SYT1: variants seen among roughly 807,000 people sequenced by gnomAD.
The protein encoded by SYT1 is synaptotagmin 1.
SYT1 carries 8 observed loss-of-function variants against 44.8 expected under a neutral mutation model. The ratio of observed to expected loss-of-function variants is 0.18; its 90% CI spans 0.10 to 0.32. The LOEUF is 0.32. Among genes scored for constraint, SYT1 ranks in the 10% least tolerant of loss-of-function variants. The pLI, the probability that SYT1 is intolerant of heterozygous loss-of-function variation, is 1.00. For synonymous variants in SYT1, 154 were observed against 188.8 expected (o/e 0.82, Z 1.51); for missense variants, 286 against 509.3 (o/e 0.56, Z 4.22).
intron 8 of SYT1, among the ~76,000 whole-genome samples, chr12:79,340,284 C>G (rs953125691): frequency 6.6e-6 from 1 of 152,128 alleles, no homozygotes; most frequent in Non-Finnish European, 1.5e-5. Flanking sequence ...TCATGATATT[C>G]ATTCTTCCTG....
At chr12:79,334,843 A>G (rs1882016731) in intron 8 of SYT1, among the ~76,000 whole-genome samples, 1 of 152,170 alleles carries the variant, frequency 6.6e-6, no homozygotes, top group African/African-American at 2.4e-5. Flanking sequence ...AAAGCCTGTC[A>G]AGAGGTCAGG....
intron 3 of SYT1, among the ~76,000 whole-genome samples, chr12:79,194,861 T>C (rs1457626288): frequency 6.6e-6 from 1 of 152,178 alleles, no homozygotes; most frequent in Non-Finnish European, 1.5e-5. Flanking sequence ...AAACCAGTTC[T>C]CAGCTGCTGG....
At chr12:79,004,808 T>A (rs1193501931) in intron 2 of SYT1, among the ~76,000 whole-genome samples, 1 of 152,000 alleles carries the variant, frequency 6.6e-6, no homozygotes, top group Non-Finnish European at 1.5e-5. Context: ...AGAAAGTGAT[T>A]CAGTAACTTG....
chr12:79,025,440 T>C (rs946976801), intron 2 of SYT1, among the ~76,000 whole-genome samples: 8 of 151,676 alleles, frequency 5.3e-5, no homozygotes, highest in Non-Finnish European at 1.2e-4. Flanking sequence ...TCTAGTAGCC[T>C]TTTTTAAACC....
intron 1 of SYT1, among the ~76,000 whole-genome samples, chr12:78,919,475 G>A (rs1876860182): frequency 6.6e-6 from 1 of 151,990 alleles, no homozygotes. Flanking sequence ...TTGACCCCTG[G>A]GCTGTCCTGC....
Position 79,320,862 on chromosome 12 carries a change from C to T in SYT1, c.810+21311C>T, listed in dbSNP as rs114895914. 1.9e-3 allele frequency among the ~76,000 whole-genome samples: 292 copies of T among 151,880 alleles called. 1 individual carries two copies. The highest frequency in any genetic ancestry group is 6.6e-3 in the African/African-American group (273 of 41,438). On this transcript the variant is annotated intron_variant, in intron 8 of 10. Coordinates refer to ENST00000261205, the MANE Select transcript of SYT1 (RefSeq NM_005639.3). Reference sequence around the variant, plus strand: ...GGTCTCTATCTCTTGGCCTCGTGATCGGCCCAACTCGGCCTCCCAAAGTGC... The same window carrying T: ...GGTCTCTATCTCTTGGCCTCGTGATTGGCCCAACTCGGCCTCCCAAAGTGC...
intron 1 of SYT1, among the ~76,000 whole-genome samples, chr12:78,962,938 T>C (rs977527298): frequency 3.9e-5 from 6 of 152,290 alleles, no homozygotes; most frequent in Middle Eastern, 3.4e-3. Context: ...AACTGAAACT[T>C]CATACCAATT....
intron 2 of SYT1, among the ~76,000 whole-genome samples, chr12:78,990,679 A>G (rs144727933): frequency 6.6e-6 from 1 of 152,304 alleles, no homozygotes; most frequent in African/African-American, 2.4e-5. Flanking sequence ...TTGTTCACAT[A>G]TCTTATGTTT....
At chr12:79,246,874 G>T (rs1170399008) in intron 4 of SYT1, among the ~76,000 whole-genome samples, 1 of 152,148 alleles carries the variant, frequency 6.6e-6, no homozygotes. Flanking sequence ...GGAAAATTAA[G>T]GGGATGCCTT....
chr12:78,876,891 T>TACGTATA (rs1214655186), intron 1 of SYT1, among the ~76,000 whole-genome samples: 2,585 of 15,034 alleles, frequency 0.17, 190 homozygotes, highest in African/African-American at 0.29. Flanking sequence ...TTATATATAA[T>TACGTATA]ATATATTATA....
At chr12:78,912,853 C>G (rs917113814) in intron 1 of SYT1, among the ~76,000 whole-genome samples, 1 of 151,864 alleles carries the variant, frequency 6.6e-6, no homozygotes, top group Admixed American at 6.6e-5. Flanking sequence ...CACTTAGTAA[C>G]TAGCATTTTC....
intron 3 of SYT1, among the ~76,000 whole-genome samples, chr12:79,201,082 GT>G (rs1382163594): frequency 6.6e-6 from 1 of 151,982 alleles, no homozygotes; most frequent in Non-Finnish European, 1.5e-5. Context: ...TTCCTTCATT[GT>G]TGATGCCATG....
At chr12:78,954,345 G>A (rs1879109792) in intron 1 of SYT1, among the ~76,000 whole-genome samples, 1 of 151,940 alleles carries the variant, frequency 6.6e-6, no homozygotes, top group Non-Finnish European at 1.5e-5. Context: ...TGTGTTCTCT[G>A]ACTTGAGGAG....
intron 3 of SYT1, among the ~76,000 whole-genome samples, chr12:79,190,995 A>G (rs1288442165): frequency 1.3e-5 from 2 of 152,076 alleles, no homozygotes; most frequent in African/African-American, 4.8e-5. Flanking sequence ...TACCAATGAG[A>G]TAATTAAAAT....
intron 3 of SYT1, among the ~76,000 whole-genome samples, chr12:79,056,023 A>G (rs925726479): frequency 6.6e-6 from 1 of 152,038 alleles, no homozygotes; most frequent in Non-Finnish European, 1.5e-5. Flanking sequence ...TACAGTATTC[A>G]GTACAGTGAC....
chr12:79,056,701 T>A lies in SYT1; in HGVS notation c.-18+9339T>A, dbSNP rs150498154. ...TAAAGTTAAGGGCAGTATGATGCCA[T>A]TACATGGCAACTCTCATTTTAAAAA... On this transcript the variant is annotated intron_variant, in intron 3 of 10. Coordinates refer to ENST00000261205, the MANE Select transcript of SYT1 (RefSeq NM_005639.3). 3.1e-3 allele frequency among the ~76,000 whole-genome samples: 477 copies of A among 152,182 alleles called. 1 individual carries two copies. Among genetic ancestry groups the A allele is most frequent in the African/African-American group, 0.011 (451 of 41,556 alleles).
At chr12:79,282,781 T>C (rs1879117326) in intron 4 of SYT1, among the ~76,000 whole-genome samples, 1 of 152,178 alleles carries the variant, frequency 6.6e-6, no homozygotes, top group Non-Finnish European at 1.5e-5. Context: ...CCTATAGTTT[T>C]TCCTCTGTAA....
At chr12:79,336,460 A>G (rs888272241) in intron 8 of SYT1, among the ~76,000 whole-genome samples, 2 of 150,266 alleles carry the variant, frequency 1.3e-5, no homozygotes, top group Admixed American at 6.6e-5. Flanking sequence ...ATCTTTCTCT[A>G]TTTTTCCTAC....
At position 78,883,601 on chromosome 12, in the gene SYT1, A is replaced by G. The variant is rs1463566602; in HGVS notation, c.-217+18492A>G. On this transcript the variant is annotated intron_variant, in intron 1 of 10. Transcript: ENST00000261205. Reference sequence around the variant, plus strand: ...TTAAATGCTCATTTTGTCATGGACAATTAAGAGTGAAGAGATGATGTATAA... The same window carrying G: ...TTAAATGCTCATTTTGTCATGGACAGTTAAGAGTGAAGAGATGATGTATAA... 2.6e-5 allele frequency among the ~76,000 whole-genome samples: 4 copies of G among 151,674 alleles called. No homozygotes were observed. In the East Asian group the frequency reaches 7.8e-4, roughly 29 times the overall value.
Sources: gnomAD v4.1 joint callset for allele counts (sites outside exome capture counted in the v4.1 genomes callset) on GRCh38, gnomAD v4.1.1 for gene constraint, MANE v1.5 for transcripts, NCBI Gene and HGNC (gene_info 2026-07-23, HGNC 2026-07-21) for gene names.